SCMH1: variants seen among roughly 807,000 people sequenced by gnomAD.
The protein encoded by SCMH1 is Scm polycomb group protein homolog 1, also known as polycomb protein SCMH1.
SCMH1 carries 37 observed loss-of-function variants against 70.8 expected under a neutral mutation model. The ratio of observed to expected loss-of-function variants is 0.52; its 90% CI spans 0.40 to 0.69. The LOEUF (loss-of-function observed/expected upper bound fraction) is 0.69. Among genes scored for constraint, SCMH1 ranks in the 30% least tolerant of loss-of-function variants. The probability of loss-of-function intolerance (pLI) is 0.00; values close to 1 mark genes in which losing one functional copy is unlikely to be tolerated. For missense variants in SCMH1, 607 were observed against 827.3 expected (o/e 0.73, Z 3.27); for synonymous variants, 292 against 307.4 (o/e 0.95, Z 0.52).
At chr1:41,137,112 T>C (rs1443944540) in intron 6 of SCMH1, among the ~76,000 whole-genome samples, 2 of 152,182 alleles carry the variant, frequency 1.3e-5, no homozygotes, top group African/African-American at 2.4e-5. Context: ...CTTTGAATTA[T>C]TGCTTTTCTG....
rs539055165 is a variant in SCMH1 at position 41,174,129 on chromosome 1, T to C, written c.13+11992A>G. 4.6e-5 allele frequency among the ~76,000 whole-genome samples: 7 copies of C among 152,280 alleles called. No individual in the cohort carries two copies. In the East Asian group the frequency reaches 7.7e-4, roughly 17 times the overall value. On this transcript the variant is annotated intron_variant, in intron 2 of 14. Coordinates refer to ENST00000337495, the Ensembl canonical transcript of SCMH1. ...AATAAATGATAAATGTTTGAAGGGA[T>C]TGATATACTAATTACCAATTTGATC...
chr1:41,157,927 G>A (rs1645689813), intron 4 of SCMH1, among the ~76,000 whole-genome samples: 1 of 152,152 alleles, frequency 6.6e-6, no homozygotes. Flanking sequence ...TTAACACAGT[G>A]CCTGAAATTT....
At chr1:41,150,100 G>T (rs926470642) in intron 5 of SCMH1, among the ~76,000 whole-genome samples, 4 of 152,090 alleles carry the variant, frequency 2.6e-5, no homozygotes, top group African/African-American at 9.7e-5. Flanking sequence ...CTGGGCCATG[G>T]TCTGGAAACT....
chr1:41,201,704 G>A (rs1161570179), intron 1 of SCMH1, among the ~76,000 whole-genome samples: 1 of 152,192 alleles, frequency 6.6e-6, no homozygotes, highest in Admixed American at 6.5e-5. Context: ...AACTCAGGAA[G>A]GGGCTCTCTT....
intron 8 of SCMH1, among the ~76,000 whole-genome samples, chr1:41,094,265 C>A (rs1338165566): frequency 1.3e-5 from 2 of 152,282 alleles, no homozygotes; most frequent in Non-Finnish European, 2.9e-5. Flanking sequence ...CCCCCTGCAA[C>A]ATGTGGCAAT....
At chr1:41,239,966 T>A (rs1346054511) in intron 1 of SCMH1, among the ~76,000 whole-genome samples, 1 of 152,178 alleles carries the variant, frequency 6.6e-6, no homozygotes, top group Non-Finnish European at 1.5e-5. Flanking sequence ...GATATTCACA[T>A]CAATTCTTTC....
intron 1 of SCMH1, among the ~76,000 whole-genome samples, chr1:41,205,406 G>A (rs185533073): frequency 5.3e-5 from 8 of 152,204 alleles, no homozygotes; most frequent in South Asian, 2.1e-4. Flanking sequence ...TGCCTGGCTC[G>A]GCAGGTCCCA....
chr1:41,195,435 T>C (rs1652809153), intron 1 of SCMH1, among the ~76,000 whole-genome samples: 1 of 151,548 alleles, frequency 6.6e-6, no homozygotes, highest in Non-Finnish European at 1.5e-5. Context: ...ATTAACATAA[T>C]ATACCATAAA....
At chr1:41,054,559 G>A (rs1005240426) in intron 10 of SCMH1, among the ~76,000 whole-genome samples, 1 of 152,206 alleles carries the variant, frequency 6.6e-6, no homozygotes, top group Admixed American at 6.5e-5. Context: ...ACTCTATGCT[G>A]TGCAGACTCT....
intron 1 of SCMH1, among the ~76,000 whole-genome samples, chr1:41,187,283 G>A (rs1375734858): frequency 2.0e-5 from 3 of 151,826 alleles, no homozygotes; most frequent in East Asian, 2.0e-4. Context: ...CCAACATGGC[G>A]AAACCCCATC....
chr1:41,233,201 T>C (rs1380015882), intron 1 of SCMH1, among the ~76,000 whole-genome samples: 1 of 142,972 alleles, frequency 7.0e-6, no homozygotes, highest in Non-Finnish European at 1.5e-5. Flanking sequence ...ATATAAGCCA[T>C]ATATATATAA....
chr1:41,169,788 G>A (rs776686448), intron 2 of SCMH1, among the ~76,000 whole-genome samples: 2 of 152,106 alleles, frequency 1.3e-5, no homozygotes, highest in Admixed American at 6.5e-5. Flanking sequence ...AAAGTCCAGC[G>A]ATGTGCTTCT....
intron 2 of SCMH1, among the ~76,000 whole-genome samples, chr1:41,179,115 C>T (rs1328724616): frequency 6.6e-6 from 1 of 152,174 alleles, no homozygotes; most frequent in Admixed American, 6.5e-5. Flanking sequence ...GGAAACTGAA[C>T]AACCTGCTCC....
intron 12 of SCMH1, among the ~76,000 whole-genome samples, chr1:41,039,878 A>G (rs1001526077): frequency 2.0e-5 from 3 of 151,982 alleles, no homozygotes; most frequent in Middle Eastern, 6.8e-3. Context: ...TTCTATCAAA[A>G]CTACTCTGGT....
intron 1 of SCMH1, among the ~76,000 whole-genome samples, chr1:41,205,384 G>A (rs1328181520): frequency 6.6e-6 from 1 of 152,236 alleles, no homozygotes; most frequent in Non-Finnish European, 1.5e-5. Context: ...CAGACCAGGA[G>A]ATTCTCTCCT....
chr1:41,106,406 G>A (rs1667935710), intron 8 of SCMH1, among the ~76,000 whole-genome samples: 1 of 151,794 alleles, frequency 6.6e-6, no homozygotes, highest in Non-Finnish European at 1.5e-5. Flanking sequence ...TCTACCATGA[G>A]TAAAAGCTCC....
chr1:41,042,063 T>C (rs1457033546), intron 12 of SCMH1, among the ~76,000 whole-genome samples: 1 of 152,130 alleles, frequency 6.6e-6, no homozygotes, highest in African/African-American at 2.4e-5. Flanking sequence ...AGTTCTGCTC[T>C]GACATCACCT....
intron 10 of SCMH1, among the ~76,000 whole-genome samples, chr1:41,067,736 T>C (rs562638144): frequency 6.6e-6 from 1 of 152,266 alleles, no homozygotes; most frequent in African/African-American, 2.4e-5. Context: ...TATATGTCAT[T>C]ATACATTTGT....
chr1:41,202,447 T>C (rs1413431562), intron 1 of SCMH1, among the ~76,000 whole-genome samples: 1 of 152,192 alleles, frequency 6.6e-6, no homozygotes, highest in Admixed American at 6.5e-5. Context: ...TCTACTTTAA[T>C]TCTTTCTCAC....
Sources: gnomAD v4.1 joint callset for allele counts (sites outside exome capture counted in the v4.1 genomes callset) on GRCh38, gnomAD v4.1.1 for gene constraint, MANE v1.5 for transcripts, NCBI Gene and HGNC (gene_info 2026-07-23, HGNC 2026-07-21) for gene names.